MYLK: variants seen among roughly 807,000 people sequenced by gnomAD.
The protein encoded by MYLK is myosin light chain kinase, smooth muscle.
Under a neutral mutation model 203.4 loss-of-function variants are expected in MYLK, and 106 were observed. The observed-to-expected ratio is 0.52, with a 90% CI of 0.45 to 0.61. The LOEUF (loss-of-function observed/expected upper bound fraction) is 0.61, where lower values mean the gene tolerates loss of function less well. MYLK is among the 20% of genes least tolerant of loss of function. The probability of loss-of-function intolerance (pLI) is 0.00; values close to 1 mark genes in which losing one functional copy is unlikely to be tolerated. For missense variants in MYLK, 2,072 were observed against 2,442.3 expected, an observed-to-expected ratio of 0.85 and a Z score of 3.20; for synonymous variants, 867 against 959.5, an observed-to-expected ratio of 0.90 and a Z score of 1.78.
At chr3:123,674,687 T>C (rs2060017822) in intron 20 of MYLK, among the ~76,000 whole-genome samples, 1 of 152,278 alleles carries the variant, frequency 6.6e-6, no homozygotes, top group Admixed American at 6.5e-5. Flanking sequence ...TGGGAAGTAC[T>C]GCTCTGTAAT....
chr3:123,663,432 GCTGGGGGGTGAAGAAGCGGAAGTGC>G (rs1381903346), intron 23 of MYLK, among the ~76,000 whole-genome samples: 7 of 152,184 alleles, frequency 4.6e-5, no homozygotes, highest in Non-Finnish European at 8.8e-5. Context: ...GCTGGAGGGT[GCTGGGGGGTGAAGAAGCGGAAGTGC>G]AGTAGAGACT....
At chr3:123,709,180 G>C (rs190418095) in intron 14 of MYLK, 1 of 228,708 alleles carries the variant, frequency 4.4e-6, no homozygotes, top group Non-Finnish European at 8.1e-6. Context: ...TTGCTCTGTC[G>C]CCCAGGCTGC....
At chr3:123,861,109 G>A (rs531764996) in intron 2 of MYLK, among the ~76,000 whole-genome samples, 3 of 144,778 alleles carry the variant, frequency 2.1e-5, no homozygotes, top group African/African-American at 5.1e-5. Context: ...TAGCCTGGGC[G>A]ATAGAGCGAG....
intron 29 of MYLK, among the ~76,000 whole-genome samples, chr3:123,634,939 A>G (rs911820045): frequency 1.3e-5 from 2 of 152,234 alleles, no homozygotes; most frequent in Admixed American, 6.5e-5. Context: ...ACAACCTACT[A>G]TCTCCTTTCA....
rs115747885 is a variant in MYLK at position 123,648,215 on chromosome 3, G to A, written c.4415+756C>T. On this transcript the variant is annotated intron_variant, in intron 26 of 33. Transcript: ENST00000360304. The surrounding 1 kb of genome is among the most constrained non-coding windows in gnomAD (Gnocchi z 4.5). ...CCTCTTCTATTCCTCCAGGGACAGC[G>A]TAAGGGCAGATGAACAGCTTGGCTC... 2.0e-3 allele frequency among the ~76,000 whole-genome samples: 302 copies of A among 152,314 alleles called. 1 individual carries two copies. The highest frequency in any genetic ancestry group is 7.1e-3 in the African/African-American group (293 of 41,558).
chr3:123,647,510 G>T, intron 26 of MYLK, 83 bp from the exon 27 acceptor site: 1 of 1,187,584 alleles, frequency 8.4e-7, no homozygotes, highest in Non-Finnish European at 1.2e-6. Context: ...ATGGCCCATG[G>T]GACAGATCTG....
chr3:123,790,844 C>A (rs2064751931), intron 4 of MYLK, among the ~76,000 whole-genome samples: 1 of 152,132 alleles, frequency 6.6e-6, no homozygotes, highest in African/African-American at 2.4e-5. Context: ...GTCCTAGGTC[C>A]CTCCACTGCC....
Position 123,722,275 on chromosome 3 carries a change from G to T in MYLK, c.1657C>A (p.Pro553Thr), listed in dbSNP as rs1410459876. The T allele has an allele frequency of 6.4e-7, 1 of 1,567,044 alleles. No individual in the cohort carries two copies. Among genetic ancestry groups the T allele is most frequent in the Non-Finnish European group, 8.7e-7 (1 of 1,155,296 alleles). Residue 553 changes from proline to threonine, a missense_variant, in exon 13 of 34, where the codon CCC becomes ACC. Pro to Thr is a conservative substitution (Grantham distance 38, BLOSUM62 -1). Coordinates refer to ENST00000360304, the MANE Select transcript of MYLK (RefSeq NM_053025.4). ...CAGGTGGAGCGAGCGTACTGGATGG[G>T]CTGCCCTGTGGAGGAAGCACAGGAA... is the stretch of plus-strand genomic sequence containing the variant. ...PRITWLLNGQ[P>T]IQYARSTCEA...
intron 24 of MYLK, among the ~76,000 whole-genome samples, chr3:123,655,420 T>C (rs966306519): frequency 3.9e-5 from 6 of 152,156 alleles, no homozygotes; most frequent in East Asian, 1.9e-4. Flanking sequence ...TCAATGCCCA[T>C]GGTTGCAATT....
In MYLK at chr3:123,809,522, G is replaced by A. The variant is rs543181752; in HGVS notation, c.-3-15678C>T. ...GCCTGGGCAACAAGAGTGAAACTTC[G>A]TCTAAAAAACAAAAACAAACAAACA... On this transcript the variant is annotated intron_variant, in intron 3 of 33. Transcript: ENST00000360304. Among the ~76,000 whole-genome samples, 76 of 152,098 alleles carry A rather than the reference G, an allele frequency of 5.0e-4. No homozygotes were observed. In the Middle Eastern group the frequency reaches 0.01, roughly 20 times the overall value.
intron 27 of MYLK, among the ~76,000 whole-genome samples, chr3:123,644,750 A>G (rs1167381079): frequency 6.6e-6 from 1 of 152,248 alleles, no homozygotes; most frequent in East Asian, 1.9e-4. Flanking sequence ...GTAAAGAATG[A>G]GGTCACAGAT....
intron 1 of MYLK, among the ~76,000 whole-genome samples, chr3:123,878,112 G>A (rs1237880000): frequency 6.6e-6 from 1 of 152,146 alleles, no homozygotes; most frequent in East Asian, 1.9e-4. Flanking sequence ...TCAGGCACCA[G>A]GCTATGAGTA....
At chr3:123,657,758 C>G (rs1246196742) in intron 23 of MYLK, among the ~76,000 whole-genome samples, 1 of 152,176 alleles carries the variant, frequency 6.6e-6, no homozygotes, top group African/African-American at 2.4e-5. Context: ...GGAAGCTGCC[C>G]AGAAGGCGTG....
Position 123,629,686 on chromosome 3 carries a change from G to A in MYLK, c.4962-60C>T. ...AGGAGAGGGCGCGACGACCAGGTGA[G>A]TGGTAACTGAGGTCAAAGGCGAGGG... On this transcript the variant is annotated intron_variant, in intron 29 of 33. Transcript: ENST00000360304. This position sits in a 1 kb window ranked among gnomAD's most constrained non-coding sequence, Gnocchi z 4.4. 2 of 1,596,840 alleles carry A rather than the reference G, an allele frequency of 1.3e-6. No individual in the cohort carries two copies. Among genetic ancestry groups the A allele is most frequent in the East Asian group, 2.2e-5 (1 of 44,696 alleles).
chr3:123,677,279 T>C (rs1576516905), intron 20 of MYLK, among the ~76,000 whole-genome samples: 1 of 152,188 alleles, frequency 6.6e-6, no homozygotes, highest in Non-Finnish European at 1.5e-5. Flanking sequence ...TGAGGTCAGC[T>C]GGAGAAACTC....
Position 123,700,196 on chromosome 3 carries a change from G to A in MYLK, c.3272C>T (p.Ser1091Leu), listed in dbSNP as rs1560093099. 1 of 1,613,930 alleles carries A rather than the reference G, an allele frequency of 6.2e-7. No homozygotes were observed. The highest frequency in any genetic ancestry group is 1.1e-5 in the South Asian group (1 of 91,064). The change falls in exon 18 of 34, where the codon TCA becomes TTA. Residue 1091 changes from serine to leucine, a missense_variant. By Grantham distance (145) the Ser-to-Leu change is moderately radical. Transcript: ENST00000360304. ...GGCTGGGGCTGTCCCCTGGCTCTCT[G>A]ATCTCTTTTCATTATCTGTGGTCCC... ...HAGTTDNEKR[S>L]ESQGTAPAFK...
intron 3 of MYLK, among the ~76,000 whole-genome samples, chr3:123,804,192 T>C (rs2065291241): frequency 6.6e-6 from 1 of 152,158 alleles, no homozygotes; most frequent in South Asian, 2.1e-4. Context: ...TCCCACTCCC[T>C]CAATTCTGCC....
intron 18 of MYLK, among the ~76,000 whole-genome samples, chr3:123,696,454 C>T (rs892918959): frequency 2.6e-5 from 4 of 152,030 alleles, no homozygotes; most frequent in East Asian, 1.9e-4. Context: ...GGATGCAGGA[C>T]GGGAGGCCAG....
Position 123,700,064 on chromosome 3 carries a change from C to T in MYLK, c.3404G>A (p.Gly1135Glu). The T allele has an allele frequency of 6.2e-7, 1 of 1,614,054 alleles. No individual in the cohort carries two copies. The highest frequency in any genetic ancestry group is 8.5e-7 in the Non-Finnish European group (1 of 1,179,992). ...PPATIIWTLN[G>E]KTLKTTKFII... Reference sequence around the variant, plus strand: ...GAACTTGGTGGTCTTGAGGGTCTTTCCGTTCAGCGTCCAGATGATGGTGGC... The same window carrying T: ...GAACTTGGTGGTCTTGAGGGTCTTTTCGTTCAGCGTCCAGATGATGGTGGC... The change falls in exon 18 of 34, where the codon GGA (glycine) becomes GAA (glutamate). Residue 1135 changes from glycine to glutamate, a missense_variant. By Grantham distance (98) the Gly-to-Glu change is moderately conservative. Transcript: ENST00000360304.
Sources: gnomAD v4.1 joint callset for allele counts (sites outside exome capture counted in the v4.1 genomes callset) on GRCh38, gnomAD v4.1.1 for gene constraint, Gnocchi (gnomAD v3.1) non-coding constraint, MANE v1.5 for transcripts, NCBI Gene and HGNC (gene_info 2026-07-23, HGNC 2026-07-21) for gene names.